The following PDE4D variants were observed in gnomAD, a reference collection of about 807,000 sequenced individuals.
The protein encoded by PDE4D is 3',5'-cyclic-AMP phosphodiesterase 4D.
In PDE4D, 24 loss-of-function variants were observed where a neutral mutation model predicts 87.4. The observed-to-expected ratio is 0.27, with a 90% CI of 0.20 to 0.39. The LOEUF is 0.39. Among genes scored for constraint, PDE4D ranks in the 10% least tolerant of loss-of-function variants. PDE4D has a pLI of 1.00. For missense variants in PDE4D, 714 were observed against 1,041.0 expected, an observed-to-expected ratio of 0.69 and a Z score of 4.32; for synonymous variants, 384 against 383.2, an observed-to-expected ratio of 1.00 and a Z score of -0.02.
At chr5:60,400,269 T>C (rs1033364169) in intron 1 of PDE4D, among the ~76,000 whole-genome samples, 2 of 152,122 alleles carry the variant, frequency 1.3e-5, no homozygotes, top group African/African-American at 4.8e-5. Flanking sequence ...TCGCCTGTAA[T>C]CCCAGCACTT....
chr5:59,452,772 A>G (rs1799360682), intron 1 of PDE4D, among the ~76,000 whole-genome samples: 2 of 152,228 alleles, frequency 1.3e-5, no homozygotes, highest in Non-Finnish European at 2.9e-5. Context: ...GTAAAAGGCC[A>G]ACACAAAAAC....
chr5:59,836,131 T>TA (rs1741988268), intron 1 of PDE4D, among the ~76,000 whole-genome samples: 2 of 152,046 alleles, frequency 1.3e-5, no homozygotes, highest in African/African-American at 4.8e-5. Context: ...GCCTTACACA[T>TA]AATCAGTGGG....
At chr5:60,497,972 A>G (rs910642784) in intron 1 of PDE4D, among the ~76,000 whole-genome samples, 1 of 152,220 alleles carries the variant, frequency 6.6e-6, no homozygotes, top group Non-Finnish European at 1.5e-5. Flanking sequence ...ATAGAAATCC[A>G]TAAATTTCTC....
At chr5:60,327,146 G>A (rs149181131) in intron 1 of PDE4D, among the ~76,000 whole-genome samples, 61 of 152,242 alleles carry the variant, frequency 4.0e-4, no homozygotes, top group African/African-American at 1.4e-3. Flanking sequence ...TAGATTAATA[G>A]GAGAAAAGCA....
intron 1 of PDE4D, among the ~76,000 whole-genome samples, chr5:59,342,576 G>A (rs1473238047): frequency 6.6e-6 from 1 of 152,126 alleles, no homozygotes; most frequent in South Asian, 2.1e-4. Context: ...AAATTTTGGG[G>A]AGGAATGGGA....
chr5:59,043,417 G>A (rs1179778137), intron 5 of PDE4D, among the ~76,000 whole-genome samples: 3 of 152,104 alleles, frequency 2.0e-5, no homozygotes, highest in Non-Finnish European at 4.4e-5. Context: ...CAGCTACTCG[G>A]GAGGCTGAGG....
chr5:59,212,137 T>A (rs866638472), intron 2 of PDE4D, among the ~76,000 whole-genome samples: 13 of 152,116 alleles, frequency 8.5e-5, no homozygotes, highest in African/African-American at 3.1e-4. Context: ...ATTATACACA[T>A]CAGACAGTCT....
intron 1 of PDE4D, among the ~76,000 whole-genome samples, chr5:60,506,181 C>CTT: frequency 6.6e-6 from 1 of 152,326 alleles, no homozygotes; most frequent in South Asian, 2.1e-4. Flanking sequence ...GGACACAGTT[C>CTT]CTGTTCTGGA....
chr5:59,682,953 T>C (rs543001296), intron 1 of PDE4D, among the ~76,000 whole-genome samples: 3 of 152,274 alleles, frequency 2.0e-5, no homozygotes, highest in East Asian at 3.9e-4. Flanking sequence ...TAAAGAGACA[T>C]GACAACTGAT....
At chr5:60,122,746 T>C (rs749256776) in intron 2 of PDE4D, among the ~76,000 whole-genome samples, 6 of 152,242 alleles carry the variant, frequency 3.9e-5, no homozygotes, top group Non-Finnish European at 8.8e-5. Flanking sequence ...ATTCGGCCTC[T>C]CGTTACTTAT....
chr5:59,281,903 G>T (rs902129649), intron 1 of PDE4D, among the ~76,000 whole-genome samples: 11 of 152,170 alleles, frequency 7.2e-5, no homozygotes, highest in African/African-American at 2.7e-4. Context: ...GAAGCACAAA[G>T]TTTGAAGATA....
intron 3 of PDE4D, among the ~76,000 whole-genome samples, chr5:59,973,057 T>C (rs2152819244): frequency 6.6e-6 from 1 of 152,240 alleles, no homozygotes; most frequent in South Asian, 2.1e-4. Flanking sequence ...TTGCCAAAAC[T>C]TCCTATTGGA....
At chr5:59,823,798 T>C (rs2152690822) in intron 1 of PDE4D, among the ~76,000 whole-genome samples, 1 of 150,280 alleles carries the variant, frequency 6.7e-6, no homozygotes, top group African/African-American at 2.5e-5. Flanking sequence ...CTTCCATTTT[T>C]TTTTTAAGAT....
chr5:59,228,230 C>A (rs1754277525), intron 1 of PDE4D, among the ~76,000 whole-genome samples: 2 of 151,764 alleles, frequency 1.3e-5, no homozygotes, highest in East Asian at 1.9e-4. Flanking sequence ...AAGAGAGGAA[C>A]AATAGACACT....
chr5:60,318,120 A>C (rs1288791776), intron 1 of PDE4D, among the ~76,000 whole-genome samples: 3 of 152,140 alleles, frequency 2.0e-5, no homozygotes. Flanking sequence ...TGGGCGTCTA[A>C]GTCTCTTTCT....
chr5:60,147,913 C>A, intron 2 of PDE4D: 1 of 373,738 alleles, frequency 2.7e-6, no homozygotes, highest in South Asian at 1.9e-5. Flanking sequence ...AAGACAGAAG[C>A]CACAGTTTTT....
chr5:59,428,928 C>A (rs983626424), intron 1 of PDE4D, among the ~76,000 whole-genome samples: 12 of 152,084 alleles, frequency 7.9e-5, no homozygotes, highest in Non-Finnish European at 1.8e-4. Flanking sequence ...AAGACCTATA[C>A]AATTAAATAC....
At chr5:59,649,904 C>CTTGTTTTT (rs1561402852) in intron 1 of PDE4D, among the ~76,000 whole-genome samples, 4 of 73,958 alleles carry the variant, frequency 5.4e-5, no homozygotes, top group African/African-American at 2.1e-4. Context: ...AGTTTGTGAA[C>CTTGTTTTT]CTTTTTTTTT....
At chr5:59,945,398 C>G (rs187445784) in intron 3 of PDE4D, among the ~76,000 whole-genome samples, 6 of 152,262 alleles carry the variant, frequency 3.9e-5, no homozygotes, top group African/African-American at 1.4e-4. Context: ...CCAGCCCAGC[C>G]TTTTATTTTA....
Sources: gnomAD v4.1 joint callset for allele counts (sites outside exome capture counted in the v4.1 genomes callset) on GRCh38, gnomAD v4.1.1 for gene constraint, MANE v1.5 for transcripts, NCBI Gene and HGNC (gene_info 2026-07-23, HGNC 2026-07-21) for gene names.